Variants in COL18A1 observed in about 807,000 individuals in gnomAD.
COL18A1 encodes collagen alpha-1(XVIII) chain.
In COL18A1, 133 loss-of-function variants were observed where a neutral mutation model predicts 168.0. The ratio of observed to expected loss-of-function variants is 0.79; its 90% CI spans 0.69 to 0.91. COL18A1 has a LOEUF of 0.91. Among genes scored for constraint, COL18A1 ranks in the 40% least tolerant of loss-of-function variants. The probability of loss-of-function intolerance (pLI) is 0.00; values close to 1 mark genes in which losing one functional copy is unlikely to be tolerated. For synonymous variants in COL18A1, 949 were observed against 809.0 expected, an observed-to-expected ratio of 1.17 and a Z score of -2.94; for missense variants, 2,126 against 1,925.4, an observed-to-expected ratio of 1.10 and a Z score of -1.95.
At chr21:45,439,469 A>T (rs4819106) in intron 2 of COL18A1, among the ~76,000 whole-genome samples, 22,925 of 152,332 alleles carry the variant, frequency 0.15, 2,244 homozygotes, top group African/African-American at 0.27. Context: ...CGTTCATCAT[A>T]AAAACGTCCG....
intron 3 of COL18A1, among the ~76,000 whole-genome samples, chr21:45,472,252 C>T (rs2035460707): frequency 6.7e-6 from 1 of 150,368 alleles, no homozygotes; most frequent in Admixed American, 6.6e-5. Flanking sequence ...GAGACGGAGT[C>T]TCGCTCTGTC....
Position 45,480,470 on chromosome 21 carries a change from T to G in COL18A1, c.1402T>G (p.Phe468Val). The G allele has an allele frequency of 6.2e-7, 1 of 1,614,136 alleles. No homozygotes were observed. The highest frequency in any genetic ancestry group is 8.5e-7 in the Non-Finnish European group (1 of 1,180,026). ...GPSFRHDKLT[F>V]IDMEGSGFGG... ...TCTCTCCGGCTCTTTTCCTCAGACC[T>G]TCATTGACATGGAGGGATCTGGCTT... is the stretch of plus-strand genomic sequence containing the variant. Residue 468 changes from phenylalanine to valine, a missense_variant, in exon 12 of 42, where the codon TTC becomes GTC. Transcript: ENST00000651438.
intron 15 of COL18A1, among the ~76,000 whole-genome samples, chr21:45,485,903 C>T (rs1056079447): frequency 1.3e-5 from 2 of 152,256 alleles, no homozygotes; most frequent in South Asian, 2.1e-4. Context: ...CTCACACTAT[C>T]TCATTCCGCT....
rs375575507 is a variant in COL18A1 at position 45,495,401 on chromosome 21, C to T, written c.2477C>T (p.Pro826Leu). ...GGATTGAAAGGAGAGAAAGGGGAGCCGGGAGATGCCAGCCTTGGATTTGGC... is the reference window on the plus strand; with the variant it reads ...GGATTGAAAGGAGAGAAAGGGGAGCTGGGAGATGCCAGCCTTGGATTTGGC... ...MNGLKGEKGE[P>L]GDASLGFGMR... The change falls in exon 29 of 42, where the codon CCG (proline) becomes CTG (leucine). Residue 826 changes from proline to leucine, a missense_variant. Physicochemically the swap from Pro to Leu is moderately conservative, Grantham distance 98. Transcript: ENST00000651438. 24 of 1,611,442 alleles carry T rather than the reference C, an allele frequency of 1.5e-5. No homozygotes were observed. The highest frequency in any genetic ancestry group is 7.7e-5 in the South Asian group (7 of 90,640).
At chr21:45,431,808 T>C (rs915504475) in intron 2 of COL18A1, among the ~76,000 whole-genome samples, 23 of 151,834 alleles carry the variant, frequency 1.5e-4, no homozygotes, top group Admixed American at 9.2e-4. Context: ...CGCGCATTGG[T>C]GGGGGCAGCA....
intron 2 of COL18A1, among the ~76,000 whole-genome samples, chr21:45,414,251 C>T (rs908111893): frequency 3.3e-5 from 5 of 152,220 alleles, no homozygotes; most frequent in African/African-American, 1.2e-4. Context: ...GCTGACCTCT[C>T]ATCTGTTTTG....
chr21:45,477,098 C>G (rs1355510294), intron 6 of COL18A1, among the ~76,000 whole-genome samples: 4 of 152,124 alleles, frequency 2.6e-5, no homozygotes, highest in Admixed American at 2.0e-4. Flanking sequence ...ACAAAGCATG[C>G]TGGGTGATAA....
intron 30 of COL18A1, among the ~76,000 whole-genome samples, chr21:45,496,795 G>A (rs2036559111): frequency 6.6e-6 from 1 of 152,222 alleles, no homozygotes; most frequent in Non-Finnish European, 1.5e-5. Context: ...CTCTGCTAAG[G>A]GCCTGAGCCC....
chr21:45,476,524 G>A (rs1267145225), intron 6 of COL18A1, 44 bp downstream of exon 6: 2 of 1,559,700 alleles, frequency 1.3e-6, no homozygotes, highest in African/African-American at 1.4e-5. Flanking sequence ...TGTGGGGTGT[G>A]TGTGGTGTGT....
At chr21:45,483,689 G>A (rs1008783408) in intron 15 of COL18A1, among the ~76,000 whole-genome samples, 3 of 152,168 alleles carry the variant, frequency 2.0e-5, no homozygotes, top group African/African-American at 7.2e-5. Context: ...TTGGCTGGAC[G>A]GGGTTGGCAC....
chr21:45,424,538 G>A (rs1395274632), intron 2 of COL18A1: 1 of 152,306 alleles, frequency 6.6e-6, no homozygotes, highest in African/African-American at 2.4e-5. Flanking sequence ...ACAGTGCCAA[G>A]GCGCTCCCCC....
chr21:45,478,460 C>G (rs2035762771), intron 9 of COL18A1, 107 bp downstream of exon 9: 4 of 1,448,126 alleles, frequency 2.8e-6, no homozygotes, highest in Non-Finnish European at 3.9e-6. Context: ...AGTGAGGAGA[C>G]TGTACAGCAA....
intron 2 of COL18A1, among the ~76,000 whole-genome samples, chr21:45,436,892 G>A (rs571287767): frequency 6.6e-6 from 1 of 151,498 alleles, no homozygotes; most frequent in African/African-American, 2.4e-5. Flanking sequence ...AGCCATGGCT[G>A]GGGGAACCCT....
In COL18A1 at chr21:45,468,738, C is replaced by A; in HGVS notation, c.603C>A (p.Ala201=). ...SSRGLELEPG[A]GLFVAQAGGA... is the part of the protein sequence containing the mutation. ...GGGGCCTGGAGCTGGAGCCTGGCGC[C>A]GGGCTCTTCGTGGCTCAGGCGGGGG... The change falls in exon 3 of 42, where the codon GCC becomes GCA. Residue 201 remains alanine, a synonymous_variant. Transcript: ENST00000651438. The A allele has an allele frequency of 1.2e-6, 2 of 1,603,028 alleles. No individual in the cohort carries two copies.
chr21:45,456,477 T>C (rs1453019655), intron 2 of COL18A1: 1 of 1,546,100 alleles, frequency 6.5e-7, no homozygotes, highest in East Asian at 2.5e-5. Flanking sequence ...GGGCCGGGTC[T>C]TGCTAATAAC....
intron 2 of COL18A1, among the ~76,000 whole-genome samples, chr21:45,437,138 C>CCT (rs139223681): frequency 9.1e-6 from 1 of 109,908 alleles, no homozygotes; most frequent in African/African-American, 4.2e-5. Context: ...CAGGCACTCT[C>CCT]CACACACACT....
rs3810589 is a variant in COL18A1, at chr21:45,454,855, G to T, written c.107-13387G>T. 1.6e-4 allele frequency among the ~76,000 whole-genome samples: 24 copies of T among 152,332 alleles called. No homozygotes were observed. In the East Asian group the frequency reaches 4.6e-3, roughly 29 times the overall value. Reference sequence around the variant, plus strand: ...GTATGCATTCCTGCCCTGGTCCCGGGCTCCGTCTCTGCTGGGTCTCCTGGG... The same window carrying T: ...GTATGCATTCCTGCCCTGGTCCCGGTCTCCGTCTCTGCTGGGTCTCCTGGG... On this transcript the variant is annotated intron_variant, in intron 2 of 41. Transcript: ENST00000651438.
chr21:45,494,777 G>T, intron 27 of COL18A1, 85 bp from the exon 28 acceptor site: 2 of 1,330,342 alleles, frequency 1.5e-6, no homozygotes, highest in Non-Finnish European at 1.1e-6. Context: ...TGCTCTGCAT[G>T]GCCCCTCCCC....
At chr21:45,421,175 G>A (rs2033611608) in intron 2 of COL18A1, 1 of 350,188 alleles carries the variant, frequency 2.9e-6, no homozygotes, top group Non-Finnish European at 5.6e-6. Context: ...CGGACAGACA[G>A]GCACTCTAGA....
Sources: gnomAD v4.1 joint callset for allele counts (sites outside exome capture counted in the v4.1 genomes callset) on GRCh38, gnomAD v4.1.1 for gene constraint, MANE v1.5 for transcripts, NCBI Gene and HGNC (gene_info 2026-07-23, HGNC 2026-07-21) for gene names.